The following C1orf198 variants were observed in gnomAD, a reference collection of about 807,000 sequenced individuals.
The protein encoded by C1orf198 is uncharacterized protein C1orf198.
C1orf198 carries 17 observed loss-of-function variants against 31.4 expected under a neutral mutation model. The observed-to-expected ratio is 0.54, with a 90% confidence interval of 0.37 to 0.81. C1orf198 has a LOEUF of 0.81. Among genes scored for constraint, C1orf198 ranks in the 40% least tolerant of loss-of-function variants. The pLI, the probability that C1orf198 is intolerant of heterozygous loss-of-function variation, is 0.00. For missense variants in C1orf198, 401 were observed against 450.3 expected, an observed-to-expected ratio of 0.89 and a Z score of 0.99; for synonymous variants, 175 against 193.8, an observed-to-expected ratio of 0.90 and a Z score of 0.81.
chr1:230,842,048 T>TATTTACCTCATATAAG (rs1558135278), intron 3 of C1orf198, among the ~76,000 whole-genome samples: 1 of 152,212 alleles, frequency 6.6e-6, no homozygotes, highest in Non-Finnish European at 1.5e-5. Flanking sequence ...AAATACTATA[T>TATTTACCTCATATAAG]GGTGCTACTT....
At chr1:230,848,818 G>A (rs1295927213) in intron 2 of C1orf198, among the ~76,000 whole-genome samples, 1 of 152,062 alleles carries the variant, frequency 6.6e-6, no homozygotes. Context: ...CTTTTTTCCT[G>A]TCTAGATCCG....
chr1:230,854,795 C>T (rs1669833227), intron 2 of C1orf198, among the ~76,000 whole-genome samples: 2 of 152,196 alleles, frequency 1.3e-5, no homozygotes, highest in African/African-American at 4.8e-5. Context: ...GGCCCACCCT[C>T]CTCATAGGTC....
chr1:230,855,792 G>GT, intron 1 of C1orf198, 74 bp from the exon 2 acceptor site: 3 of 1,558,598 alleles, frequency 1.9e-6, no homozygotes, highest in Non-Finnish European at 2.6e-6. Flanking sequence ...ACCCAGGACC[G>GT]TGGGGGAACC....
intron 2 of C1orf198, among the ~76,000 whole-genome samples, chr1:230,845,964 A>C (rs1326559177): frequency 6.6e-6 from 1 of 152,186 alleles, no homozygotes; most frequent in East Asian, 1.9e-4. Context: ...TGGTCATGAT[A>C]ATCATTATTT....
rs76736211 is a variant in C1orf198, at chr1:230,843,196, A to G, written c.927+158T>C. ...CTTGTTGCATATTTGTTGGTGGCTCAGCACCCTGAGCCTAGGCATCCTCTG... is the reference window on the plus strand; with the variant it reads ...CTTGTTGCATATTTGTTGGTGGCTCGGCACCCTGAGCCTAGGCATCCTCTG... On this transcript the variant is annotated intron_variant, in intron 3 of 3. Transcript: ENST00000366663. This position sits in a 1 kb window ranked among gnomAD's most constrained non-coding sequence, Gnocchi z 4.9. 0.075 allele frequency among the ~76,000 whole-genome samples: 11,461 copies of G among 152,186 alleles called. 1,385 individuals are homozygous for G. The highest frequency in any genetic ancestry group is 0.26 in the African/African-American group (10,613 of 41,472).
At chr1:230,868,656 T>G, upstream of C1orf198, 1 of 571,632 alleles carries the variant, frequency 1.7e-6, no homozygotes, top group Non-Finnish European at 2.2e-6. Context: ...CCAACCCAGC[T>G]CCCCAAGCCC....
At chr1:230,867,733 G>C (rs886599101) in intron 1 of C1orf198, among the ~76,000 whole-genome samples, 2 of 152,144 alleles carry the variant, frequency 1.3e-5, no homozygotes, top group African/African-American at 4.8e-5. Flanking sequence ...GGCAGGCACG[G>C]GGTGGCGTTA....
intron 1 of C1orf198, chr1:230,856,055 T>A: frequency 1.0e-6 from 1 of 984,722 alleles, no homozygotes; most frequent in Non-Finnish European, 1.2e-6. Context: ...GACTCAGCCC[T>A]GAACAATGAT....
Position 230,839,645 on chromosome 1 carries a change from G to C in C1orf198, c.*207C>G. 1 of 494,262 alleles carries C rather than the reference G, an allele frequency of 2.0e-6. No homozygotes were observed. The highest frequency in any genetic ancestry group is 3.5e-6 in the Non-Finnish European group (1 of 286,364). The allele number at this position is 494,262 out of a possible 1,614,324, so 30.6% of individuals were successfully genotyped here. On this transcript the variant is annotated 3_prime_UTR_variant, in exon 4 of 4. Transcript: ENST00000366663. The stretch of plus-strand genomic sequence containing the variant: ...TAAAAATTCCAAATGGAAAACTTCT[G>C]TTATCAAATCACTGAAAATAGCATA...
chr1:230,852,503 C>T (rs1387373194), intron 2 of C1orf198, among the ~76,000 whole-genome samples: 2 of 152,200 alleles, frequency 1.3e-5, no homozygotes, highest in Admixed American at 1.3e-4. Flanking sequence ...AATGTACACA[C>T]GTATCAAAAC....
intron 2 of C1orf198, among the ~76,000 whole-genome samples, chr1:230,847,440 A>G (rs1669625116): frequency 6.6e-6 from 1 of 152,152 alleles, no homozygotes; most frequent in Non-Finnish European, 1.5e-5. Flanking sequence ...GGAGTGATGA[A>G]TTAAATTGTC....
rs886897496 is a variant in C1orf198 at position 230,857,486 on chromosome 1, C to T, written c.334-1768G>A. On this transcript the variant is annotated intron_variant, in intron 1 of 3. Transcript: ENST00000366663. This position sits in a 1 kb window ranked among gnomAD's most constrained non-coding sequence, Gnocchi z 4.2. ...ATGTGGGGGCACAGGCTCTTCACAG[C>T]TCTTGGCCCCAGGAGGAAGAGCCAG... Among the ~76,000 whole-genome samples, 1 of 152,194 alleles carries T rather than the reference C, an allele frequency of 6.6e-6. No homozygotes were observed. The highest frequency in any genetic ancestry group is 1.5e-5 in the Non-Finnish European group (1 of 68,036).
intron 2 of C1orf198, among the ~76,000 whole-genome samples, chr1:230,848,990 A>T (rs1273038987): frequency 6.6e-6 from 1 of 152,224 alleles, no homozygotes; most frequent in Non-Finnish European, 1.5e-5. Flanking sequence ...GTATGTGTGC[A>T]CACAGCACCA....
chr1:230,866,402 T>C (rs1670121381), intron 1 of C1orf198, among the ~76,000 whole-genome samples: 1 of 152,192 alleles, frequency 6.6e-6, no homozygotes, highest in Non-Finnish European at 1.5e-5. Flanking sequence ...TTCTCCTGAG[T>C]TACTCCTGGA....
At chr1:230,845,208 A>T (rs896490703) in intron 2 of C1orf198, among the ~76,000 whole-genome samples, 4 of 109,304 alleles carry the variant, frequency 3.7e-5, no homozygotes, top group Non-Finnish European at 5.4e-5. Context: ...ACTAAAAATT[A>T]AAAAAATTAA....
rs376030156 is a variant in C1orf198, at chr1:230,841,606, C to T, written c.928-1698G>A. Reference sequence around the variant, plus strand: ...GGTGAGACACCACCTCATACCCCTTCGCATGGCACCAGCAAAGACACAGAA... The same window carrying T: ...GGTGAGACACCACCTCATACCCCTTTGCATGGCACCAGCAAAGACACAGAA... On this transcript the variant is annotated intron_variant, in intron 3 of 3. Coordinates refer to ENST00000366663, the MANE Select transcript of C1orf198 (RefSeq NM_032800.3). Among the ~76,000 whole-genome samples, 125 of 152,310 alleles carry T rather than the reference C, an allele frequency of 8.2e-4. 2 individuals carry two copies. The South Asian group carries it at 0.022, about 27-fold the overall frequency.
At chr1:230,862,150 C>T (rs1021261111) in intron 1 of C1orf198, among the ~76,000 whole-genome samples, 3 of 152,132 alleles carry the variant, frequency 2.0e-5, no homozygotes, top group Non-Finnish European at 2.9e-5. Flanking sequence ...CCATCACTCC[C>T]TCAGAGATGC....
intron 2 of C1orf198, among the ~76,000 whole-genome samples, chr1:230,847,102 C>CAAAAAA (rs71179741): frequency 4.3e-5 from 3 of 69,702 alleles, no homozygotes; most frequent in African/African-American, 1.9e-4. Context: ...GACTCCGTCT[C>CAAAAAA]AAAAAAAAAA....
At chr1:230,865,090 G>A (rs1254391284) in intron 1 of C1orf198, among the ~76,000 whole-genome samples, 3 of 152,122 alleles carry the variant, frequency 2.0e-5, no homozygotes, top group East Asian at 1.9e-4. Flanking sequence ...CAAAGTGCAC[G>A]GCCCCAGTGT....
Sources: allele counts gnomAD v4.1 joint callset (sites outside exome capture counted in the v4.1 genomes callset), GRCh38; gene constraint gnomAD v4.1.1; non-coding constraint Gnocchi (gnomAD v3.1); transcripts MANE v1.5; gene names NCBI Gene and HGNC (gene_info 2026-07-23, HGNC 2026-07-21).